DPH6: variants seen among roughly 807,000 people sequenced by gnomAD.
DPH6 encodes the protein diphthamine biosynthesis 6, also known as diphthine--ammonia ligase.
DPH6 carries 33 observed loss-of-function variants against 38.2 expected under a neutral mutation model. That is an observed-to-expected ratio of 0.86 (90% CI 0.65 to 1.15). The LOEUF is 1.15. DPH6 is among the 50% of genes most tolerant of loss of function. The pLI is 0.00. For missense variants in DPH6, 325 were observed against 320.0 expected (o/e 1.02, Z -0.12); for synonymous variants, 108 against 103.0 (o/e 1.05, Z -0.30).
At chr15:35,374,592 G>C (rs994954967) in intron 7 of DPH6, among the ~76,000 whole-genome samples, 13 of 151,976 alleles carry the variant, frequency 8.6e-5, no homozygotes, top group Admixed American at 6.6e-5. Flanking sequence ...AAGTACGTTT[G>C]ATGATTAAAA....
At chr15:35,505,819 T>G (rs1037961110) in intron 3 of DPH6, among the ~76,000 whole-genome samples, 2 of 152,086 alleles carry the variant, frequency 1.3e-5, no homozygotes, top group East Asian at 3.9e-4. Flanking sequence ...GGAAAAGCAT[T>G]TTGGAAATAT....
downstream of DPH6, among the ~76,000 whole-genome samples, chr15:35,327,434 C>T (rs1250264712): frequency 6.6e-6 from 1 of 151,430 alleles, no homozygotes; most frequent in African/African-American, 2.4e-5. Context: ...CAACCTCCGC[C>T]TCCTGGGTTC....
intron 3 of DPH6, among the ~76,000 whole-genome samples, chr15:35,293,180 A>G (rs2051991040): frequency 6.6e-6 from 1 of 152,312 alleles, no homozygotes; most frequent in Non-Finnish European, 1.5e-5. Flanking sequence ...TAATTAACAT[A>G]TATCTCTTTA....
intron 6 of DPH6, 124 bp downstream of exon 6, chr15:35,410,711 A>G: frequency 1.4e-6 from 1 of 719,208 alleles, no homozygotes; most frequent in Non-Finnish European, 2.1e-6. Flanking sequence ...ATTTTTTCAT[A>G]AATATATTAT....
At chr15:35,521,735 G>A (rs1486884689) in intron 3 of DPH6, 2 of 1,231,862 alleles carry the variant, frequency 1.6e-6, no homozygotes, top group Non-Finnish European at 2.0e-6. Flanking sequence ...TTTATGCAAA[G>A]CTTGATTGTG....
chr15:35,431,991 A>C (rs2053638623), intron 5 of DPH6, among the ~76,000 whole-genome samples: 1 of 152,064 alleles, frequency 6.6e-6, no homozygotes, highest in Non-Finnish European at 1.5e-5. Flanking sequence ...ACCAATCAAT[A>C]CTTACTATGA....
At chr15:35,498,973 C>T (rs78383886) in intron 3 of DPH6, among the ~76,000 whole-genome samples, 2,581 of 150,380 alleles carry the variant, frequency 0.017, 83 homozygotes, top group African/African-American at 0.059. Context: ...AAAAGTATCC[C>T]GTTATATATG....
chr15:35,421,884 A>T (rs1014975163), intron 5 of DPH6, among the ~76,000 whole-genome samples: 11 of 152,120 alleles, frequency 7.2e-5, no homozygotes, highest in African/African-American at 2.4e-4. Context: ...ATAAGACTGA[A>T]GGTAAGAAGG....
the DPH6 span, among the ~76,000 whole-genome samples, chr15:35,156,046 A>G: frequency 5.9e-5 from 9 of 152,210 alleles, no homozygotes; most frequent in African/African-American, 2.2e-4. Context: ...CATTTGAGAA[A>G]TTAAGGGAAT....
chr15:35,490,041 C>T, intron 3 of DPH6: 1 of 985,308 alleles, frequency 1.0e-6, no homozygotes, highest in South Asian at 4.7e-5. Context: ...GAAAACACCC[C>T]AAGGCTACAA....
chr15:35,498,437 C>G (rs2054584388), intron 3 of DPH6, among the ~76,000 whole-genome samples: 1 of 152,020 alleles, frequency 6.6e-6, no homozygotes, highest in Non-Finnish European at 1.5e-5. Context: ...TCCTTTATTA[C>G]CATAAAAAAC....
At chr15:35,230,445 G>C (rs1053465480) in intron 3 of DPH6, among the ~76,000 whole-genome samples, 1 of 152,132 alleles carries the variant, frequency 6.6e-6, no homozygotes, top group Admixed American at 6.5e-5. Context: ...GCCCAGGGCA[G>C]GTCCAAAAAT....
At chr15:35,350,471 T>C (rs2140890349) in intron 3 of DPH6, among the ~76,000 whole-genome samples, 1 of 152,194 alleles carries the variant, frequency 6.6e-6, no homozygotes, top group African/African-American at 2.4e-5. Context: ...TTCCTTCTAT[T>C]AACTTTGAGT....
At chr15:35,302,025 T>C (rs999023328) in intron 3 of DPH6, among the ~76,000 whole-genome samples, 5 of 152,074 alleles carry the variant, frequency 3.3e-5, no homozygotes, top group African/African-American at 1.2e-4. Context: ...TTCCAACATT[T>C]ATTGTAGTCA....
At chr15:35,422,116 A>AAT (rs34311414) in intron 5 of DPH6, among the ~76,000 whole-genome samples, 4,815 of 150,058 alleles carry the variant, frequency 0.032, 92 homozygotes, top group Non-Finnish European at 0.045. Flanking sequence ...TATTCCTTCA[A>AAT]ATATATATAT....
intron 3 of DPH6, among the ~76,000 whole-genome samples, chr15:35,288,224 A>C (rs1285064565): frequency 6.6e-6 from 1 of 152,192 alleles, no homozygotes; most frequent in African/African-American, 2.4e-5. Context: ...GCTATATTTC[A>C]TAATTTCTAT....
the DPH6 span, among the ~76,000 whole-genome samples, chr15:35,185,274 C>G: frequency 2.6e-5 from 4 of 152,120 alleles, no homozygotes; most frequent in Non-Finnish European, 5.9e-5. Flanking sequence ...TCCTTGAAAA[C>G]AGCCAGACCA....
At chr15:35,384,140 A>T (rs932540625) in intron 6 of DPH6, among the ~76,000 whole-genome samples, 2 of 152,202 alleles carry the variant, frequency 1.3e-5, no homozygotes, top group African/African-American at 4.8e-5. Flanking sequence ...TTCGACTCAA[A>T]ATTGGGATTA....
At chr15:35,147,884 T>C in the DPH6 span, among the ~76,000 whole-genome samples, 1 of 152,308 alleles carries the variant, frequency 6.6e-6, no homozygotes, top group South Asian at 2.1e-4. Flanking sequence ...AAGTGGGACA[T>C]GCAACGCCTT....
Sources: gnomAD v4.1 joint callset for allele counts (sites outside exome capture counted in the v4.1 genomes callset) on GRCh38, gnomAD v4.1.1 for gene constraint, MANE v1.5 for transcripts, NCBI Gene and HGNC (gene_info 2026-07-23, HGNC 2026-07-21) for gene names.